Variants in RUNX2 observed in about 807,000 individuals in gnomAD.
RUNX2 encodes the protein runt-related transcription factor 2.
A neutral mutation model predicts 51.7 loss-of-function variants in RUNX2; 10 were observed. The ratio of observed to expected loss-of-function variants is 0.19; its 90% CI spans 0.12 to 0.33. The LOEUF (loss-of-function observed/expected upper bound fraction) is 0.33, where lower values mean the gene tolerates loss of function less well. Among genes scored for constraint, RUNX2 ranks in the 10% least tolerant of loss-of-function variants. RUNX2 has a pLI of 1.00. For synonymous variants in RUNX2, 276 were observed against 273.6 expected, an observed-to-expected ratio of 1.01 and a Z score of -0.09; for missense variants, 562 against 691.3, an observed-to-expected ratio of 0.81 and a Z score of 2.10.
In RUNX2 at chr6:45,387,565, C is replaced by T. The variant is rs193018389; in HGVS notation, c.59-35028C>T. Among the ~76,000 whole-genome samples the T allele has an allele frequency of 1.3e-3, 202 of 152,288 alleles. 1 individual carries two copies. The highest frequency in any genetic ancestry group is 1.1e-3 in the Non-Finnish European group (72 of 68,016). ...AGTCAAACATCAAATCCTAAATATC[C>T]ACATTCAATGCTTCTAGTTCCCAGA... is the stretch of plus-strand genomic sequence containing the variant. On this transcript the variant is annotated intron_variant, in intron 2 of 8. Transcript: ENST00000647337.
chr6:45,474,979 C>T (rs954767452), intron 5 of RUNX2, among the ~76,000 whole-genome samples: 1 of 151,900 alleles, frequency 6.6e-6, no homozygotes, highest in Non-Finnish European at 1.5e-5. Flanking sequence ...AGCTTAATCT[C>T]CGGGTGTGGT....
chr6:45,391,780 C>T (rs926950988), intron 2 of RUNX2, among the ~76,000 whole-genome samples: 5 of 152,212 alleles, frequency 3.3e-5, no homozygotes, highest in Middle Eastern at 3.4e-3. Flanking sequence ...ATGGGGAAAC[C>T]GCCCCATGAT....
chr6:45,339,962 T>C (rs1789416051), intron 2 of RUNX2, among the ~76,000 whole-genome samples: 1 of 152,152 alleles, frequency 6.6e-6, no homozygotes, highest in Non-Finnish European at 1.5e-5. Context: ...GAGACATGTA[T>C]CATAATTATT....
intron 2 of RUNX2, among the ~76,000 whole-genome samples, chr6:45,356,229 A>G (rs1793142869): frequency 6.6e-6 from 1 of 152,116 alleles, no homozygotes; most frequent in African/African-American, 2.4e-5. Context: ...GTTTTTTTTA[A>G]AATCTACATA....
intron 2 of RUNX2, among the ~76,000 whole-genome samples, chr6:45,374,754 T>C (rs551315940): frequency 6.6e-6 from 1 of 152,308 alleles, no homozygotes; most frequent in South Asian, 2.1e-4. Flanking sequence ...AAGATGATTT[T>C]CTTCCAGAGG....
At chr6:45,447,550 A>G (rs748239214) in intron 5 of RUNX2, among the ~76,000 whole-genome samples, 9 of 152,208 alleles carry the variant, frequency 5.9e-5, no homozygotes, top group South Asian at 2.1e-4. Context: ...ATTAAAATTA[A>G]TCATGATCTC....
chr6:45,394,432 G>A (rs1444093231), intron 2 of RUNX2, among the ~76,000 whole-genome samples: 1 of 152,196 alleles, frequency 6.6e-6, no homozygotes, highest in Admixed American at 6.5e-5. Context: ...AGCCTCGCCT[G>A]TTGTCTTTGG....
chr6:45,410,930 T>C (rs1206205622), intron 2 of RUNX2, among the ~76,000 whole-genome samples: 2 of 152,206 alleles, frequency 1.3e-5, no homozygotes, highest in Admixed American at 6.5e-5. Flanking sequence ...TATAGTGAGT[T>C]AGTTAAAAAG....
At chr6:45,449,836 G>C (rs528883530) in intron 5 of RUNX2, among the ~76,000 whole-genome samples, 80 of 152,190 alleles carry the variant, frequency 5.3e-4, no homozygotes, top group African/African-American at 1.9e-3. Flanking sequence ...TTGAATACCA[G>C]TGAAATGAAT....
intron 2 of RUNX2, among the ~76,000 whole-genome samples, chr6:45,376,002 GA>G (rs1389482012): frequency 6.6e-6 from 1 of 151,942 alleles, no homozygotes; most frequent in South Asian, 2.1e-4. Flanking sequence ...GGTTAAAAAA[GA>G]AAAAAACTTG....
chr6:45,404,862 T>TA (rs1027967029), intron 2 of RUNX2, among the ~76,000 whole-genome samples: 5 of 152,380 alleles, frequency 3.3e-5, no homozygotes, highest in Admixed American at 3.3e-4. Flanking sequence ...GGCTATGAGT[T>TA]ATAACTATAC....
intron 7 of RUNX2, among the ~76,000 whole-genome samples, chr6:45,516,718 A>G (rs1801336320): frequency 6.6e-6 from 1 of 152,236 alleles, no homozygotes; most frequent in South Asian, 2.1e-4. Context: ...TGTCTTTATA[A>G]TTGCAATCGT....
intron 6 of RUNX2, among the ~76,000 whole-genome samples, chr6:45,497,933 AT>A (rs541185054): frequency 7.2e-5 from 11 of 152,138 alleles, no homozygotes; most frequent in Non-Finnish European, 1.5e-4. Context: ...ATTAGTTACC[AT>A]TTATTAAATG....
chr6:45,346,668 A>T (rs1406005811), intron 2 of RUNX2, among the ~76,000 whole-genome samples: 1 of 151,536 alleles, frequency 6.6e-6, no homozygotes, highest in Admixed American at 6.6e-5. Context: ...CCTGGGTTCA[A>T]GCAATTCTCT....
intron 5 of RUNX2, among the ~76,000 whole-genome samples, chr6:45,462,079 T>C (rs922357373): frequency 6.6e-6 from 1 of 151,956 alleles, no homozygotes; most frequent in African/African-American, 2.4e-5. Context: ...TAAAGCAAAA[T>C]GTACAGAGAA....
At chr6:45,485,030 T>G (rs1370658070) in intron 5 of RUNX2, among the ~76,000 whole-genome samples, 1 of 152,154 alleles carries the variant, frequency 6.6e-6, no homozygotes, top group African/African-American at 2.4e-5. Context: ...GGACCAGACT[T>G]TATTCAATCA....
At chr6:45,397,648 T>G (rs1415610929) in intron 2 of RUNX2, among the ~76,000 whole-genome samples, 1 of 152,190 alleles carries the variant, frequency 6.6e-6, no homozygotes, top group African/African-American at 2.4e-5. Context: ...TTATTAGTAT[T>G]TCAAAAATGG....
chr6:45,542,439 G>A (rs563325308), intron 7 of RUNX2, among the ~76,000 whole-genome samples: 128 of 152,296 alleles, frequency 8.4e-4, no homozygotes, highest in Non-Finnish European at 1.4e-3. Flanking sequence ...TTGTTTGCAA[G>A]CTGTTTGGCT....
At position 45,422,482 on chromosome 6, in the gene RUNX2, C is replaced by A; in HGVS notation, c.59-111C>A. ...CCCCATCACCTCCATCCTCTTTCCC[C>A]CCGTCTCGCCTTCACCCCCCCAATT... On this transcript the variant is annotated intron_variant, in intron 2 of 8. Transcript: ENST00000647337. 1.3e-5 allele frequency: 7 copies of A among 534,438 alleles called. 1 individual carries two copies. The highest frequency in any genetic ancestry group is 2.2e-5 in the Non-Finnish European group (7 of 323,024). The allele number at this position is 534,438 out of a possible 1,614,324, so 33.1% of individuals were successfully genotyped here. A position where few individuals can be genotyped will look rare whatever the true frequency, so the allele number is the denominator to read the frequency against.
Sources: allele counts gnomAD v4.1 joint callset (sites outside exome capture counted in the v4.1 genomes callset), GRCh38; gene constraint gnomAD v4.1.1; transcripts MANE v1.5; gene names NCBI Gene and HGNC (gene_info 2026-07-23, HGNC 2026-07-21).